Variants in ME3 observed in about 807,000 individuals in gnomAD.
ME3 encodes the protein malic enzyme 3, also known as NADP-dependent malic enzyme, mitochondrial.
A neutral mutation model predicts 68.9 loss-of-function variants in ME3; 48 were observed. The observed-to-expected ratio is 0.70, with a 90% CI of 0.55 to 0.89. ME3 has a LOEUF of 0.89. Ranked by LOEUF, ME3 falls within the 40% of genes least tolerant of loss-of-function variation. The pLI is 0.00. For missense variants in ME3, 675 were observed against 797.4 expected, an observed-to-expected ratio of 0.85 and a Z score of 1.85; for synonymous variants, 320 against 318.8, an observed-to-expected ratio of 1.00 and a Z score of -0.04.
chr11:86,450,454 G>C, intron 8 of ME3, 56 bp from the exon 9 acceptor site: 3 of 1,471,264 alleles, frequency 2.0e-6, no homozygotes, highest in Non-Finnish European at 2.8e-6. Context: ...GCTCCCAAGA[G>C]AAGACCCTTG....
intron 2 of ME3, among the ~76,000 whole-genome samples, chr11:86,669,234 C>T (rs779424223): frequency 2.3e-4 from 35 of 152,338 alleles, no homozygotes; most frequent in South Asian, 6.2e-4. Context: ...TGCCAACAGG[C>T]TGTCAGCCTC....
intron 5 of ME3, 115 bp from the exon 6 acceptor site, chr11:86,498,239 T>A: frequency 8.0e-7 from 1 of 1,255,364 alleles, no homozygotes. Context: ...ACTTTGCCGG[T>A]GTGAAAGAGC....
At chr11:86,598,674 C>G (rs2139711329) in intron 2 of ME3, among the ~76,000 whole-genome samples, 1 of 152,310 alleles carries the variant, frequency 6.6e-6, no homozygotes, top group African/African-American at 2.4e-5. Flanking sequence ...CCCCGACCCC[C>G]AAGCAGCCTA....
intron 4 of ME3, among the ~76,000 whole-genome samples, chr11:86,528,333 C>G (rs1380219545): frequency 6.6e-6 from 1 of 152,160 alleles, no homozygotes; most frequent in African/African-American, 2.4e-5. Context: ...GCACTGAATA[C>G]AGGAGCACCC....
intron 2 of ME3, among the ~76,000 whole-genome samples, chr11:86,599,634 C>T (rs1282979232): frequency 6.6e-6 from 1 of 152,110 alleles, no homozygotes; most frequent in Non-Finnish European, 1.5e-5. Flanking sequence ...AGAACAACTC[C>T]AAGACACATG....
chr11:86,639,597 G>A (rs905839312), intron 2 of ME3, among the ~76,000 whole-genome samples: 1 of 152,070 alleles, frequency 6.6e-6, no homozygotes, highest in Non-Finnish European at 1.5e-5. Context: ...CTTTCTATTG[G>A]GTCTGGATTC....
chr11:86,604,545 A>G (rs1400413795), intron 2 of ME3, among the ~76,000 whole-genome samples: 1 of 152,234 alleles, frequency 6.6e-6, no homozygotes, highest in African/African-American at 2.4e-5. Flanking sequence ...AACTGGATAA[A>G]GGTAGAGAAT....
chr11:86,457,785 T>G (rs1950022724), intron 8 of ME3: 6 of 1,254,494 alleles, frequency 4.8e-6, no homozygotes, highest in African/African-American at 4.7e-5. Flanking sequence ...GAAAAAGAAG[T>G]TTTTTTTTCC....
At chr11:86,577,502 A>C (rs1594521201) in intron 2 of ME3, among the ~76,000 whole-genome samples, 1 of 152,176 alleles carries the variant, frequency 6.6e-6, no homozygotes, top group African/African-American at 2.4e-5. Flanking sequence ...GCTAGATGCT[A>C]GGGCTGCCAC....
intron 7 of ME3, among the ~76,000 whole-genome samples, chr11:86,482,648 C>G (rs576724496): frequency 5.3e-5 from 8 of 151,464 alleles, no homozygotes; most frequent in African/African-American, 1.9e-4. Context: ...TGTTCCAGTT[C>G]CAGGTCTCAT....
chr11:86,556,560 T>C, exon 4 of ME3: 1 of 1,613,746 alleles, frequency 6.2e-7, no homozygotes, highest in Non-Finnish European at 8.5e-7. Context: ...CACCGGGGCC[T>C]GCGGAAAGTC....
intron 8 of ME3, among the ~76,000 whole-genome samples, chr11:86,463,087 G>C (rs651089): frequency 0.85 from 129,963 of 152,208 alleles, 55,519 homozygotes; most frequent in Non-Finnish European, 0.86. Context: ...GTGAGTGATA[G>C]TTTCATCTCA....
rs935225045 is a variant in ME3 at position 86,492,250 on chromosome 11, G to A, written c.706-4810C>T. Among the ~76,000 whole-genome samples the A allele has an allele frequency of 2.6e-5, 4 of 152,226 alleles. No homozygotes were observed. The South Asian group carries it at 8.3e-4, about 32-fold the overall frequency. On this transcript the variant is annotated intron_variant, in intron 6 of 14. Transcript: ENST00000543262. Reference sequence around the variant, plus strand: ...TTCATCCGCATCTCCCCAGCTAATTGTACAGTGATGGCACACATAAGCCCT... The same window carrying A: ...TTCATCCGCATCTCCCCAGCTAATTATACAGTGATGGCACACATAAGCCCT...
At chr11:86,533,888 C>G (rs189725100) in intron 4 of ME3, among the ~76,000 whole-genome samples, 74 of 152,086 alleles carry the variant, frequency 4.9e-4, no homozygotes, top group African/African-American at 1.8e-3. Flanking sequence ...CTATTACACA[C>G]CTACGCTACG....
intron 4 of ME3, among the ~76,000 whole-genome samples, chr11:86,516,206 G>A (rs1953887999): frequency 1.3e-5 from 2 of 152,152 alleles, no homozygotes; most frequent in African/African-American, 4.8e-5. Flanking sequence ...GTTTACTTCA[G>A]GGAATCAATT....
rs1594569437 is a variant in ME3, at chr11:86,590,379, G to A, written c.184-30556C>T. Among the ~76,000 whole-genome samples the A allele has an allele frequency of 2.0e-5, 3 of 152,298 alleles. 1 individual carries two copies. The highest frequency in any genetic ancestry group is 6.8e-3 in the Middle Eastern group (2 of 294). On this transcript the variant is annotated intron_variant, in intron 2 of 14. Coordinates refer to ENST00000543262, the Ensembl canonical transcript of ME3. ...AAGAGAATGATACAATTCAAGATAAGAACAGACACAGAAATGTGTCACGTG... is the reference window on the plus strand; with the variant it reads ...AAGAGAATGATACAATTCAAGATAAAAACAGACACAGAAATGTGTCACGTG...
chr11:86,471,541 A>G (rs1950784400), intron 7 of ME3, among the ~76,000 whole-genome samples: 1 of 152,226 alleles, frequency 6.6e-6, no homozygotes, highest in Non-Finnish European at 1.5e-5. Context: ...CATATCTGTA[A>G]CAATATATGT....
chr11:86,463,818 A>G (rs1397701010), intron 8 of ME3, among the ~76,000 whole-genome samples: 4 of 152,222 alleles, frequency 2.6e-5, no homozygotes, highest in Non-Finnish European at 5.9e-5. Context: ...AAGATCTGGG[A>G]ATGGCATGGT....
At chr11:86,599,532 T>A (rs1165562183) in intron 2 of ME3, among the ~76,000 whole-genome samples, 2 of 152,130 alleles carry the variant, frequency 1.3e-5, no homozygotes, top group African/African-American at 2.4e-5. Context: ...ACTCTGCAGG[T>A]TATTATCCAG....
Sources: allele counts gnomAD v4.1 joint callset (sites outside exome capture counted in the v4.1 genomes callset), GRCh38; gene constraint gnomAD v4.1.1; transcripts MANE v1.5; gene names NCBI Gene and HGNC (gene_info 2026-07-23, HGNC 2026-07-21).